The following TRAFD1 variants were observed in gnomAD, a reference collection of about 807,000 sequenced individuals.
TRAFD1 encodes the protein TRAF-type zinc finger domain-containing protein 1.
In TRAFD1, 38 loss-of-function variants were observed where a neutral mutation model predicts 65.3. The observed-to-expected ratio is 0.58, with a 90% CI of 0.45 to 0.76. The LOEUF is 0.76. Among genes scored for constraint, TRAFD1 ranks in the 30% least tolerant of loss-of-function variants. TRAFD1 has a pLI of 0.00. For missense variants in TRAFD1, 631 were observed against 712.6 expected (o/e 0.89, Z 1.30); for synonymous variants, 223 against 257.2 (o/e 0.87, Z 1.27).
chr12:112,145,509 C>A, intron 6 of TRAFD1, 77 bp from the exon 7 acceptor site: 2 of 1,415,876 alleles, frequency 1.4e-6, no homozygotes, highest in South Asian at 2.4e-5. Flanking sequence ...TATATAAGAC[C>A]CCATAAAGAG....
At chr12:112,128,152 G>A (rs1454182359) in intron 1 of TRAFD1, among the ~76,000 whole-genome samples, 1 of 151,974 alleles carries the variant, frequency 6.6e-6, no homozygotes, top group African/African-American at 2.4e-5. Context: ...CCTAGTAGCT[G>A]GGACTACAGG....
Position 112,152,011 on chromosome 12 carries a change from G to A in TRAFD1, c.1490G>A (p.Arg497Gln), listed in dbSNP as rs200338185. ...SNSDSQDIQG[R>Q]NRDSQNGAIA... ...TCAGACAGCCAGGACATCCAGGGGCGGAATCGAGACAGCCAGAATGGGGCC... is the reference window on the plus strand; with the variant it reads ...TCAGACAGCCAGGACATCCAGGGGCAGAATCGAGACAGCCAGAATGGGGCC... The change falls in exon 10 of 12, where the codon CGG becomes CAG. Residue 497 changes from arginine to glutamine, a missense_variant. Arg to Gln is a conservative substitution (Grantham distance 43). Transcript: ENST00000412615. This position sits in a 1 kb window ranked among gnomAD's most constrained non-coding sequence, Gnocchi z 5.0. 174 of 1,614,120 alleles carry A rather than the reference G, an allele frequency of 1.1e-4. No individual in the cohort carries two copies. The highest frequency in any genetic ancestry group is 1.3e-4 in the Non-Finnish European group (149 of 1,180,052).
In TRAFD1 at chr12:112,137,776, T is replaced by A. The variant is rs1025231733; in HGVS notation, c.237+2710T>A. Reference sequence around the variant, plus strand: ...GACTCCGTCTAAAAAAATAAATAAATAAAAATAAATAAATAAAAATCCAAA... The same window carrying A: ...GACTCCGTCTAAAAAAATAAATAAAAAAAAATAAATAAATAAAAATCCAAA... On this transcript the variant is annotated intron_variant, in intron 4 of 11. Transcript: ENST00000412615. This position sits in a 1 kb window ranked among gnomAD's most constrained non-coding sequence, Gnocchi z 4.2. Among the ~76,000 whole-genome samples the A allele has an allele frequency of 6.6e-6, 1 of 151,722 alleles. No individual in the cohort carries two copies. The highest frequency in any genetic ancestry group is 1.5e-5 in the Non-Finnish European group (1 of 67,948).
At chr12:112,134,985 A>G in intron 3 of TRAFD1, 28 bp from the exon 4 acceptor site, 5 of 1,614,186 alleles carry the variant, frequency 3.1e-6, no homozygotes, top group Middle Eastern at 1.6e-4. Context: ...CCCAAAGCCA[A>G]TTTACTGATT....
chr12:112,141,045 A>G lies in TRAFD1; in HGVS notation c.464A>G (p.Glu155Gly), dbSNP rs754869905. 7 of 1,614,154 alleles carry G rather than the reference A, an allele frequency of 4.3e-6. No individual in the cohort carries two copies. Among genetic ancestry groups the G allele is most frequent in the Non-Finnish European group, 5.9e-6 (7 of 1,180,022 alleles). The stretch of plus-strand genomic sequence containing the variant: ...GCCATACCTCCTAATGCATATGATG[A>G]ATCTTGGGGTCAGGATGGAATCTGG... Reference protein sequence around the residue: ...EVAIPPNAYDESWGQDGIWIA... With the variant: ...EVAIPPNAYDGSWGQDGIWIA... Residue 155 changes from glutamate (E) to glycine (G), a missense_variant, in exon 5 of 12, where the codon GAA (glutamate) becomes GGA (glycine). Coordinates refer to ENST00000412615, the MANE Select transcript of TRAFD1 (RefSeq NM_006700.3).
chr12:112,147,472 C>A lies in TRAFD1; in HGVS notation c.928-602C>A, dbSNP rs1050039593. On this transcript the variant is annotated intron_variant, in intron 7 of 11. Coordinates refer to ENST00000412615, the MANE Select transcript of TRAFD1 (RefSeq NM_006700.3). ...TGTTTTGGGAGTACCATAGAAAATC[C>A]ATTAACAAAGATAATAAAGAATATT... Among the ~76,000 whole-genome samples, 9 of 151,862 alleles carry A rather than the reference C, an allele frequency of 5.9e-5. No homozygotes were observed. The East Asian group carries it at 1.5e-3, about 26-fold the overall frequency.
Position 112,141,173 on chromosome 12 carries a change from A to G in TRAFD1, c.592A>G (p.Thr198Ala). 4 of 1,614,192 alleles carry G rather than the reference A, an allele frequency of 2.5e-6. No individual in the cohort carries two copies. The highest frequency in any genetic ancestry group is 3.4e-6 in the Non-Finnish European group (4 of 1,180,048). The stretch of plus-strand genomic sequence containing the variant: ...TGAATCAGATGTTTTCCACAATAGA[A>G]CTACCAACCAAAGGAACATTACAGC... ...AFESDVFHNR[T>A]TNQRNITAQV... is the part of the protein sequence containing the mutation. The change falls in exon 5 of 12, where the codon ACT (threonine) becomes GCT (alanine). Residue 198 changes from threonine to alanine, a missense_variant. Transcript: ENST00000412615.
chr12:112,146,987 GTTTTTTTTTTTTTTTTT>G (rs547077120), intron 7 of TRAFD1, among the ~76,000 whole-genome samples: 3 of 52,512 alleles, frequency 5.7e-5, no homozygotes, highest in African/African-American at 8.0e-5. Context: ...GGGAACTTCT[GTTTTTTTTTTTTTTTTT>G]TTTTTTTTTT....
chr12:112,140,888 A>C lies in TRAFD1; in HGVS notation c.307A>C (p.Lys103Gln). 1 of 1,614,164 alleles carries C rather than the reference A, an allele frequency of 6.2e-7. No homozygotes were observed. Among genetic ancestry groups the C allele is most frequent in the South Asian group, 1.1e-5 (1 of 91,082 alleles). The change falls in exon 5 of 12, where the codon AAG becomes CAG. Residue 103 changes from lysine (K) to glutamine (Q), a missense_variant. Coordinates refer to ENST00000412615, the MANE Select transcript of TRAFD1 (RefSeq NM_006700.3). ...TTTAGAACTTTCCATTCTCAAACTG[A>C]AGGAACATGAAGATTATTGTGGTGC... ...CDLELSILKL[K>Q]EHEDYCGART...
intron 7 of TRAFD1, among the ~76,000 whole-genome samples, chr12:112,147,406 C>T (rs1270585172): frequency 1.3e-5 from 2 of 152,020 alleles, no homozygotes; most frequent in Non-Finnish European, 2.9e-5. Context: ...ATACTTTCCC[C>T]CATAAATGAA....
In TRAFD1 at chr12:112,153,009, G is replaced by T. The variant is rs552659381; in HGVS notation, c.*218G>T. ...GCGGTTGAGGAACGCTTCAGCCTTAGCTGCTACCTTTCGGCAGCAGTGAAA... is the reference window on the plus strand; with the variant it reads ...GCGGTTGAGGAACGCTTCAGCCTTATCTGCTACCTTTCGGCAGCAGTGAAA... On this transcript the variant is annotated 3_prime_UTR_variant, in exon 12 of 12. Transcript: ENST00000412615. 1.9e-5 allele frequency: 10 copies of T among 515,046 alleles called. No homozygotes were observed. The South Asian group carries it at 2.9e-4, about 15-fold the overall frequency. 31.9% of individuals were successfully genotyped at this position (515,046 alleles called of 1,614,324 possible). A position where few individuals can be genotyped will look rare whatever the true frequency, so the allele number is the denominator to read the frequency against.
chr12:112,151,098 C>T (rs867127266), intron 9 of TRAFD1, among the ~76,000 whole-genome samples: 2 of 151,672 alleles, frequency 1.3e-5, no homozygotes, highest in African/African-American at 2.4e-5. Flanking sequence ...ATTAGCCGGG[C>T]GTGGTGGCGG....
intron 6 of TRAFD1, among the ~76,000 whole-genome samples, chr12:112,144,268 CTTTTTT>C (rs745666002): frequency 7.4e-6 from 1 of 135,814 alleles, no homozygotes; most frequent in African/African-American, 2.7e-5. Context: ...TTGGCCTGGA[CTTTTTT>C]TTTTTTTTTT....
chr12:112,139,080 G>A lies in TRAFD1; in HGVS notation c.238-1739G>A, dbSNP rs145262001. ...CAGCTGTGCACAGTGGCTCACGCCT[G>A]TAATCCCAGCACTTTGGAAGGCCAA... is the stretch of plus-strand genomic sequence containing the variant. On this transcript the variant is annotated intron_variant, in intron 4 of 11. Transcript: ENST00000412615. 5.3e-3 allele frequency among the ~76,000 whole-genome samples: 802 copies of A among 152,266 alleles called. 5 individuals carry two copies. Among genetic ancestry groups the A allele is most frequent in the Non-Finnish European group, 8.2e-3 (558 of 68,026 alleles).
rs2079563472 is a variant in TRAFD1 at position 112,130,753 on chromosome 12, G to A, written c.47+184G>A. Among the ~76,000 whole-genome samples the A allele has an allele frequency of 6.6e-6, 1 of 152,142 alleles. No individual in the cohort carries two copies. Among genetic ancestry groups the A allele is most frequent in the Non-Finnish European group, 1.5e-5 (1 of 68,028 alleles). On this transcript the variant is annotated intron_variant, in intron 2 of 11. Transcript: ENST00000412615. The surrounding 1 kb of genome is among the most constrained non-coding windows in gnomAD (Gnocchi z 4.4). ...TCTCTTTCCTGATGAAATGAAACCG[G>A]TTGTAAAGTTAATAATCAGCTGGTT...
In TRAFD1 at chr12:112,152,615, T is replaced by A; in HGVS notation, c.1692+116T>A. On this transcript the variant is annotated intron_variant, in intron 11 of 11. Transcript: ENST00000412615. The surrounding 1 kb of genome is among the most constrained non-coding windows in gnomAD (Gnocchi z 5.0). ...CAGGCTGGTTGTGGTTCAAAGATTG[T>A]TCCTTTGGCTTTTGAGAAGGAGGTT... 1 of 1,594,724 alleles carries A rather than the reference T, an allele frequency of 6.3e-7. No individual in the cohort carries two copies. The highest frequency in any genetic ancestry group is 8.6e-7 in the Non-Finnish European group (1 of 1,166,140).
chr12:112,147,120 C>T (rs1303609782), intron 7 of TRAFD1, among the ~76,000 whole-genome samples: 1 of 151,212 alleles, frequency 6.6e-6, no homozygotes, highest in African/African-American at 2.4e-5. Context: ...CTGCCTTAGC[C>T]TCCAGGGTAG....
At chr12:112,150,815 G>A (rs938771901) in intron 9 of TRAFD1, among the ~76,000 whole-genome samples, 1 of 151,788 alleles carries the variant, frequency 6.6e-6, no homozygotes, top group African/African-American at 2.4e-5. Context: ...CTCCCAGCTC[G>A]GCCTCCCAAA....
intron 4 of TRAFD1, among the ~76,000 whole-genome samples, chr12:112,138,254 A>G (rs1348631512): frequency 6.6e-6 from 1 of 152,006 alleles, no homozygotes; most frequent in African/African-American, 2.4e-5. Context: ...AAATAAAAAT[A>G]AAAATAAAAA....
Sources: gnomAD v4.1 joint callset for allele counts (sites outside exome capture counted in the v4.1 genomes callset) on GRCh38, gnomAD v4.1.1 for gene constraint, Gnocchi (gnomAD v3.1) non-coding constraint, MANE v1.5 for transcripts, NCBI Gene and HGNC (gene_info 2026-07-23, HGNC 2026-07-21) for gene names.